The following ATF2 variants were observed in gnomAD, a reference collection of about 807,000 sequenced individuals.
The protein encoded by ATF2 is activating transcription factor 2, also known as cyclic AMP-dependent transcription factor ATF-2.
ATF2 carries 24 observed loss-of-function variants against 60.6 expected under a neutral mutation model. The observed-to-expected ratio is 0.40, with a 90% CI of 0.29 to 0.56. ATF2 has a LOEUF of 0.56. Among genes scored for constraint, ATF2 ranks in the 20% least tolerant of loss-of-function variants. ATF2 has a pLI of 0.54. For missense variants in ATF2, 433 were observed against 607.7 expected (o/e 0.71, Z 3.02); for synonymous variants, 206 against 215.4 (o/e 0.96, Z 0.38).
intron 10 of ATF2, among the ~76,000 whole-genome samples, chr2:175,100,321 T>C (rs972651327): frequency 1.3e-5 from 2 of 152,236 alleles, no homozygotes; most frequent in Non-Finnish European, 2.9e-5. Flanking sequence ...CTTTTAAGAA[T>C]ACTACTGAGG....
At position 175,074,869 on chromosome 2, in the gene ATF2, T is replaced by C. The variant is rs772160617; in HGVS notation, c.1292-34A>G. ...AAAAAAGAAAAATTATTCATTTTCC[T>C]AAAATCGGTAAGAATGCACCAGTAT... On this transcript the variant is annotated intron_variant, in intron 13 of 13. Coordinates refer to ENST00000264110, the MANE Select transcript of ATF2 (RefSeq NM_001880.4). 1.6e-5 allele frequency: 26 copies of C among 1,608,896 alleles called. No individual in the cohort carries two copies. The South Asian group carries it at 2.4e-4, about 15-fold the overall frequency.
At chr2:175,096,109 T>C (rs545559786) in intron 11 of ATF2, among the ~76,000 whole-genome samples, 1 of 152,254 alleles carries the variant, frequency 6.6e-6, no homozygotes, top group Admixed American at 6.5e-5. Flanking sequence ...CTTATTTATA[T>C]GTGTTTCTTT....
chr2:175,126,643 T>G (rs1697357545), intron 4 of ATF2: 1 of 152,210 alleles, frequency 6.6e-6, no homozygotes, highest in Non-Finnish European at 1.5e-5. Context: ...TTCTTCTGTT[T>G]AATTGTAATG....
At chr2:175,092,620 T>C (rs755110725) in intron 12 of ATF2, 1 of 447,068 alleles carries the variant, frequency 2.2e-6, no homozygotes, top group Non-Finnish European at 4.6e-6. Context: ...ATATTCACTT[T>C]AAATAAAACA....
intron 12 of ATF2, among the ~76,000 whole-genome samples, chr2:175,088,150 A>T (rs367629228): frequency 6.6e-6 from 1 of 152,182 alleles, no homozygotes. Context: ...GAAGATTCTT[A>T]GTAAAAGCTT....
intron 4 of ATF2, among the ~76,000 whole-genome samples, chr2:175,127,895 C>T (rs1309019644): frequency 1.3e-5 from 2 of 152,124 alleles, no homozygotes; most frequent in Non-Finnish European, 2.9e-5. Flanking sequence ...CAATGAGATA[C>T]CATTAAACCC....
intron 12 of ATF2, among the ~76,000 whole-genome samples, chr2:175,092,031 A>G (rs973512713): frequency 7.2e-5 from 11 of 152,200 alleles, no homozygotes; most frequent in African/African-American, 2.7e-4. Context: ...AAGACAATCT[A>G]TTTGTTCTAT....
chr2:175,094,271 A>G (rs1374260407), intron 11 of ATF2, among the ~76,000 whole-genome samples: 2 of 151,984 alleles, frequency 1.3e-5, no homozygotes, highest in South Asian at 2.1e-4. Flanking sequence ...GTGCATGCCT[A>G]TAATCCTAGA....
intron 2 of ATF2, among the ~76,000 whole-genome samples, chr2:175,142,774 A>G (rs943223446): frequency 1.4e-3 from 216 of 150,648 alleles, no homozygotes; most frequent in Non-Finnish European, 5.9e-4. Flanking sequence ...TAATTCTAAA[A>G]AACCCTAAAG....
chr2:175,078,098 G>A (rs1693484324), intron 13 of ATF2, among the ~76,000 whole-genome samples: 2 of 152,176 alleles, frequency 1.3e-5, no homozygotes, highest in Non-Finnish European at 2.9e-5. Context: ...CTCCCAAGTA[G>A]CTGGGACTAT....
chr2:175,104,420 C>T (rs1230138877), intron 10 of ATF2, among the ~76,000 whole-genome samples: 1 of 151,754 alleles, frequency 6.6e-6, no homozygotes, highest in Non-Finnish European at 1.5e-5. Context: ...TAAAATCCAA[C>T]AAAAGCAGTA....
At chr2:175,139,873 T>C (rs1336521877) in intron 2 of ATF2, among the ~76,000 whole-genome samples, 2 of 152,140 alleles carry the variant, frequency 1.3e-5, no homozygotes. Flanking sequence ...AATTCTTCAA[T>C]ACTGGTGAAG....
chr2:175,159,761 TTATAA>T (rs1699903936), intron 1 of ATF2, among the ~76,000 whole-genome samples: 1 of 152,158 alleles, frequency 6.6e-6, no homozygotes, highest in Admixed American at 6.5e-5. Flanking sequence ...TAGTTTAAAA[TTATAA>T]TAGAATAACA....
In ATF2 at chr2:175,113,269, C is replaced by CT. The variant is rs766911911; in HGVS notation, c.741+724dup. On this transcript the variant is annotated intron_variant, in intron 9 of 13. Coordinates refer to ENST00000264110, the MANE Select transcript of ATF2 (RefSeq NM_001880.4). The stretch of plus-strand genomic sequence containing the variant: ...TTTTTAAATGTTCATTAAACTATTA[C>CT]TTTTTTTTTTTTTTTGACTTGGGGT... Among the ~76,000 whole-genome samples the CT allele has an allele frequency of 3.7e-3, 528 of 143,028 alleles. 3 individuals are homozygous for CT. The highest frequency in any genetic ancestry group is 9.7e-3 in the Admixed American group (137 of 14,184). 93.8% of individuals were successfully genotyped at this position (143,028 alleles called of 152,430 possible). A position where few individuals can be genotyped will look rare whatever the true frequency, so the allele number is the denominator to read the frequency against.
intron 10 of ATF2, among the ~76,000 whole-genome samples, chr2:175,100,564 C>T (rs1329670854): frequency 1.3e-5 from 2 of 152,304 alleles, no homozygotes; most frequent in South Asian, 4.1e-4. Flanking sequence ...CCTGTGCTAA[C>T]ATTCAAATAT....
Position 175,097,609 on chromosome 2 carries a change from C to A in ATF2, c.829-16G>T, listed in dbSNP as rs367854602. The A allele has an allele frequency of 6.2e-7, 1 of 1,611,766 alleles. No individual in the cohort carries two copies. Among genetic ancestry groups the A allele is most frequent in the Non-Finnish European group, 8.5e-7 (1 of 1,179,388 alleles). ...CTTTTAATCTCTGCAATGCAAACACCATTAAAAATTTTTTTTAAGTCCTTA... is the reference window on the plus strand; with the variant it reads ...CTTTTAATCTCTGCAATGCAAACACAATTAAAAATTTTTTTTAAGTCCTTA... On this transcript the variant is annotated splice_polypyrimidine_tract_variant and intron_variant, in intron 10 of 13. Transcript: ENST00000264110.
chr2:175,074,687 C>A lies in ATF2; in HGVS notation c.1440G>T (p.Met480Ile). ...EAVATSVLTQ[M>I]ADQSTEPALS... ...GAGCAGGCTCTGTACTCTGGTCCGC[C>A]ATCTGGGTGAGGACTGAAGTGGCTA... The change falls in exon 14 of 14, where the codon ATG becomes ATT. Residue 480 changes from methionine to isoleucine, a missense_variant. Physicochemically the swap from Met to Ile is conservative, Grantham distance 10 (BLOSUM62 1). This residue lies in a region of ATF2 where 114 missense variants were observed against 104.0 expected (regional missense o/e 1.10). Transcript: ENST00000264110. The A allele has an allele frequency of 6.2e-7, 1 of 1,613,416 alleles. No homozygotes were observed. Among genetic ancestry groups the A allele is most frequent in the Non-Finnish European group, 8.5e-7 (1 of 1,179,674 alleles).
chr2:175,151,083 CTTTA>C lies in ATF2; in HGVS notation c.-71_-68del, dbSNP rs1699284494. The stretch of plus-strand genomic sequence containing the variant: ...ACCTTTCTAGCTGGTGGGCCATGAG[CTTTA>C]TTTACTCTGCTTCCAGGAATACCTT... On this transcript the variant is annotated 5_prime_UTR_variant, in exon 2 of 14. Coordinates refer to ENST00000264110, the MANE Select transcript of ATF2 (RefSeq NM_001880.4). 6.6e-6 allele frequency: 1 copy of C among 152,476 alleles called. No homozygotes were observed. Among genetic ancestry groups the C allele is most frequent in the African/African-American group, 2.4e-5 (1 of 41,414 alleles). The allele number at this position is 152,476 out of a possible 1,614,324, so 9.4% of individuals were successfully genotyped here.
intron 2 of ATF2, among the ~76,000 whole-genome samples, chr2:175,150,193 G>A (rs1699215719): frequency 6.6e-6 from 1 of 152,048 alleles, no homozygotes; most frequent in Admixed American, 6.6e-5. Flanking sequence ...ATATATAAAT[G>A]TATTGACAGA....
Sources: allele counts gnomAD v4.1 joint callset (sites outside exome capture counted in the v4.1 genomes callset), GRCh38; gene constraint gnomAD v4.1.1; regional missense constraint gnomAD v4.1.1; transcripts MANE v1.5; gene names NCBI Gene and HGNC (gene_info 2026-07-23, HGNC 2026-07-21).